SEH1L: variants seen among roughly 807,000 people sequenced by gnomAD.
The protein encoded by SEH1L is nucleoporin SEH1.
In SEH1L, 18 loss-of-function variants were observed where a neutral mutation model predicts 49.5. The ratio of observed to expected loss-of-function variants is 0.36; its 90% CI spans 0.25 to 0.54. The LOEUF (loss-of-function observed/expected upper bound fraction) is 0.54, where lower values mean the gene tolerates loss of function less well. SEH1L is among the 20% of genes least tolerant of loss of function. SEH1L has a pLI of 0.87. For missense variants in SEH1L, 404 were observed against 528.8 expected, an observed-to-expected ratio of 0.76 and a Z score of 2.31; for synonymous variants, 169 against 178.1, an observed-to-expected ratio of 0.95 and a Z score of 0.41.
intron 5 of SEH1L, chr18:12,974,041 T>C (rs2031810784): frequency 6.6e-6 from 1 of 152,148 alleles, no homozygotes; most frequent in Non-Finnish European, 1.5e-5. Flanking sequence ...AGACAGCAAG[T>C]GTCTGGCATT....
chr18:12,951,673 G>A (rs1445047510), intron 1 of SEH1L, among the ~76,000 whole-genome samples, 182 bp from the exon 2 acceptor site: 2 of 152,242 alleles, frequency 1.3e-5, no homozygotes, highest in African/African-American at 4.8e-5. Context: ...TTACAGGCAT[G>A]AGCCATCGCA....
chr18:12,969,236 C>A (rs2031589407), intron 4 of SEH1L, among the ~76,000 whole-genome samples: 1 of 132,984 alleles, frequency 7.5e-6, no homozygotes, highest in Non-Finnish European at 1.6e-5. Context: ...CCCACCTCAC[C>A]AAAAAGAAAA....
chr18:12,950,939 A>G (rs1432188599), intron 1 of SEH1L, among the ~76,000 whole-genome samples: 12 of 152,104 alleles, frequency 7.9e-5, no homozygotes, highest in African/African-American at 1.4e-4. Flanking sequence ...CTCCTGCCTC[A>G]GCCTCTTGAG....
chr18:12,961,815 C>G (rs115288645), intron 3 of SEH1L, among the ~76,000 whole-genome samples: 2 of 152,082 alleles, frequency 1.3e-5, no homozygotes, highest in South Asian at 4.2e-4. Context: ...TGCAGGCGCC[C>G]GCCACAATGT....
intron 3 of SEH1L, among the ~76,000 whole-genome samples, chr18:12,958,431 G>A (rs1239261252): frequency 6.6e-6 from 1 of 152,040 alleles, no homozygotes; most frequent in African/African-American, 2.4e-5. Context: ...AATTAATTAC[G>A]TTCACAGTGC....
intron 2 of SEH1L, among the ~76,000 whole-genome samples, chr18:12,953,118 T>G (rs1215873284): frequency 6.6e-6 from 1 of 152,212 alleles, no homozygotes; most frequent in Non-Finnish European, 1.5e-5. Context: ...AGAAATGGAA[T>G]TTTGAAATAC....
At chr18:12,949,099 TCCAC>T (rs2030327274) in intron 1 of SEH1L, among the ~76,000 whole-genome samples, 1 of 151,774 alleles carries the variant, frequency 6.6e-6, no homozygotes, top group African/African-American at 2.4e-5. Flanking sequence ...GACCTCGTGA[TCCAC>T]CCGCCTCGGC....
chr18:12,958,179 GT>G (rs2030995860), intron 3 of SEH1L, among the ~76,000 whole-genome samples: 1 of 136,918 alleles, frequency 7.3e-6, no homozygotes, highest in Non-Finnish European at 1.5e-5. Flanking sequence ...CGCCTCCGGG[GT>G]TCAAGCGATT....
intron 8 of SEH1L, among the ~76,000 whole-genome samples, chr18:12,984,541 G>A (rs2032393150): frequency 6.6e-6 from 1 of 152,208 alleles, no homozygotes; most frequent in Non-Finnish European, 1.5e-5. Flanking sequence ...TTTAGTGCTT[G>A]TAGTGTGGTC....
At chr18:12,962,571 G>A (rs564368085) in intron 3 of SEH1L, among the ~76,000 whole-genome samples, 13 of 139,334 alleles carry the variant, frequency 9.3e-5, no homozygotes, top group Non-Finnish European at 1.7e-4. Flanking sequence ...TGGCTCAAGC[G>A]ATCCACCCGC....
At chr18:12,959,188 T>A (rs898082129) in intron 3 of SEH1L, among the ~76,000 whole-genome samples, 1 of 152,234 alleles carries the variant, frequency 6.6e-6, no homozygotes, top group African/African-American at 2.4e-5. Flanking sequence ...CCCATTTTTT[T>A]AAATTGGGTT....
intron 3 of SEH1L, among the ~76,000 whole-genome samples, chr18:12,956,288 C>CCTGT (rs1238989276): frequency 1.3e-5 from 2 of 151,938 alleles, no homozygotes; most frequent in Admixed American, 6.6e-5. Flanking sequence ...TCGTGATCTG[C>CCTGT]CTGTCGGCCT....
chr18:12,948,423 G>A (rs1253282751), intron 1 of SEH1L, 191 bp downstream of exon 1: 2 of 472,686 alleles, frequency 4.2e-6, no homozygotes, highest in Non-Finnish European at 7.5e-6. Flanking sequence ...GGCCTCGCGG[G>A]CCGCCCTCCC....
At chr18:12,958,415 C>T (rs1157648069) in intron 3 of SEH1L, among the ~76,000 whole-genome samples, 1 of 152,098 alleles carries the variant, frequency 6.6e-6, no homozygotes, top group East Asian at 1.9e-4. Context: ...TGGTATAATT[C>T]AGTAGAATTA....
chr18:12,951,700 ATACT>A (rs1195347509), intron 1 of SEH1L, among the ~76,000 whole-genome samples, 151 bp from the exon 2 acceptor site: 1 of 152,198 alleles, frequency 6.6e-6, no homozygotes, highest in Non-Finnish European at 1.5e-5. Context: ...CTCTCAATAA[ATACT>A]TAATTGAATG....
chr18:12,978,949 G>A, intron 6 of SEH1L, 57 bp downstream of exon 6: 6 of 1,523,750 alleles, frequency 3.9e-6, no homozygotes, highest in Non-Finnish European at 5.4e-6. Flanking sequence ...GATTACCTTT[G>A]TTTGTGGAGG....
chr18:12,973,228 T>C (rs1021241797), intron 5 of SEH1L: 1 of 152,132 alleles, frequency 6.6e-6, no homozygotes, highest in Non-Finnish European at 1.5e-5. Context: ...AGAAAATATT[T>C]CATAAGTAAG....
intron 2 of SEH1L, among the ~76,000 whole-genome samples, chr18:12,953,736 A>G (rs1415835562): frequency 6.6e-6 from 1 of 152,208 alleles, no homozygotes; most frequent in Admixed American, 6.5e-5. Context: ...TACTTCATTT[A>G]CAGTGTTGTG....
chr18:12,967,482 G>A (rs1379662900), intron 4 of SEH1L, among the ~76,000 whole-genome samples: 4 of 152,210 alleles, frequency 2.6e-5, no homozygotes, highest in Admixed American at 1.3e-4. Flanking sequence ...TGTGAAAAAC[G>A]TGAGGCGAAC....
Sources: allele counts gnomAD v4.1 joint callset (sites outside exome capture counted in the v4.1 genomes callset), GRCh38; gene constraint gnomAD v4.1.1; transcripts MANE v1.5; gene names NCBI Gene and HGNC (gene_info 2026-07-23, HGNC 2026-07-21).